Variants in PABPC4L observed in about 807,000 individuals in gnomAD.
PABPC4L encodes poly(A) binding protein cytoplasmic 4 like.
For missense variants in PABPC4L, 452 were observed against 451.4 expected (o/e 1.00, Z -0.01); for synonymous variants, 169 against 164.1 (o/e 1.03, Z -0.23).
the PABPC4L span, among the ~76,000 whole-genome samples, chr4:133,952,106 TC>T: frequency 6.6e-6 from 1 of 152,104 alleles, no homozygotes; most frequent in African/African-American, 2.4e-5. Context: ...GGCCCTTCTT[TC>T]CCCCGAAATT....
the PABPC4L span, among the ~76,000 whole-genome samples, chr4:134,124,237 G>A: frequency 6.6e-6 from 1 of 152,002 alleles, no homozygotes; most frequent in Non-Finnish European, 1.5e-5. Context: ...AGCACTCAGG[G>A]TACATAAGAC....
chr4:134,185,204 C>T, the PABPC4L span, among the ~76,000 whole-genome samples: 1 of 151,590 alleles, frequency 6.6e-6, no homozygotes, highest in Admixed American at 6.6e-5. Context: ...GGTGTGGTAT[C>T]TAAATAGTCA....
the PABPC4L span, among the ~76,000 whole-genome samples, chr4:133,972,721 T>C: frequency 1.3e-5 from 2 of 152,174 alleles, no homozygotes; most frequent in Admixed American, 6.5e-5. Context: ...GAACATATTA[T>C]GTAAGGCTGA....
At chr4:133,953,736 C>T in the PABPC4L span, among the ~76,000 whole-genome samples, 3 of 152,150 alleles carry the variant, frequency 2.0e-5, no homozygotes, top group Non-Finnish European at 4.4e-5. Flanking sequence ...GGAATTTCTG[C>T]CCAGATGGCA....
At chr4:133,994,504 C>T in the PABPC4L span, among the ~76,000 whole-genome samples, 135 of 152,252 alleles carry the variant, frequency 8.9e-4, 1 homozygote, top group African/African-American at 3.2e-3. Context: ...GCGTGCTTTG[C>T]TTGGCTGTGT....
rs1403855247 is a variant in PABPC4L, at chr4:134,197,834, T to C, written c.*2073A>G. ...GAGCATATGGAAATAGGCATTCTCC[T>C]ACAATGACAATGGAAATGTAAGTGC... On this transcript the variant is annotated 3_prime_UTR_variant, in exon 2 of 2. Transcript: ENST00000421491. 1 of 151,820 alleles carries C rather than the reference T, an allele frequency of 6.6e-6. No individual in the cohort carries two copies. The highest frequency in any genetic ancestry group is 1.5e-5 in the Non-Finnish European group (1 of 67,710). The allele number at this position is 151,820 out of a possible 1,614,324, so 9.4% of individuals were successfully genotyped here. A position where few individuals can be genotyped will look rare whatever the true frequency, so the allele number is the denominator to read the frequency against.
chr4:134,050,706 C>CA, the PABPC4L span, among the ~76,000 whole-genome samples: 226 of 82,950 alleles, frequency 2.7e-3, 3 homozygotes, highest in Non-Finnish European at 3.6e-3. Context: ...CACCGTCTCC[C>CA]AAAAAAAAAA....
the PABPC4L span, among the ~76,000 whole-genome samples, chr4:134,039,064 C>G: frequency 1.3e-5 from 2 of 151,994 alleles, no homozygotes; most frequent in African/African-American, 4.8e-5. Flanking sequence ...TTATTTCTGC[C>G]TTCATTTCAT....
At position 134,200,316 on chromosome 4, in the gene PABPC4L, A is replaced by C. The variant is rs1396132680; in HGVS notation, c.704T>G (p.Val235Gly). Residue 235 changes from valine to glycine, a missense_variant, in exon 2 of 2, where the codon GTG (valine) becomes GGG (glycine). Transcript: ENST00000421491. ...GGCAGCCTCATGGCTATCAAAACTC[A>C]CAAAGCCAAAGCCTTTGGATTTCCC... ...SSGKSKGFGF[V>G]SFDSHEAAKK... 9 of 1,593,066 alleles carry C rather than the reference A, an allele frequency of 5.6e-6. No individual in the cohort carries two copies. In the South Asian group the frequency reaches 1.0e-4, roughly 18 times the overall value.
the PABPC4L span, among the ~76,000 whole-genome samples, chr4:134,043,422 C>G: frequency 2.0e-5 from 3 of 152,036 alleles, no homozygotes; most frequent in African/African-American, 7.2e-5. Flanking sequence ...TAAAATGAAA[C>G]AGTTTTGTGA....
the PABPC4L span, among the ~76,000 whole-genome samples, chr4:134,047,150 G>T: frequency 6.6e-6 from 1 of 152,180 alleles, no homozygotes; most frequent in South Asian, 2.1e-4. Flanking sequence ...GAGACAGAAA[G>T]GACTGGTAAG....
At chr4:134,111,740 C>T in the PABPC4L span, among the ~76,000 whole-genome samples, 1 of 151,910 alleles carries the variant, frequency 6.6e-6, no homozygotes, top group Non-Finnish European at 1.5e-5. Flanking sequence ...TCTCTCTCTT[C>T]TCTTGTCTGC....
At chr4:134,145,888 G>A in the PABPC4L span, among the ~76,000 whole-genome samples, 1 of 151,880 alleles carries the variant, frequency 6.6e-6, no homozygotes, top group Non-Finnish European at 1.5e-5. Flanking sequence ...ATTTAATCTT[G>A]AAAGTTTAAA....
At chr4:133,998,253 A>G in the PABPC4L span, among the ~76,000 whole-genome samples, 2 of 151,792 alleles carry the variant, frequency 1.3e-5, no homozygotes, top group Admixed American at 1.3e-4. Flanking sequence ...TCAGAATATG[A>G]TATATTTAGT....
chr4:134,079,982 C>A, the PABPC4L span, among the ~76,000 whole-genome samples: 1 of 151,590 alleles, frequency 6.6e-6, no homozygotes, highest in South Asian at 2.1e-4. Context: ...AATTTTTTTC[C>A]ATTTTATTTC....
chr4:134,014,642 G>GA, the PABPC4L span, among the ~76,000 whole-genome samples: 1 of 152,006 alleles, frequency 6.6e-6, no homozygotes, highest in Admixed American at 6.6e-5. Context: ...CTTAGCAGCT[G>GA]AAGACTGACA....
downstream of PABPC4L, among the ~76,000 whole-genome samples, chr4:134,194,562 A>C (rs981550265): frequency 6.6e-6 from 1 of 151,804 alleles, no homozygotes; most frequent in Non-Finnish European, 1.5e-5. Flanking sequence ...TAAAACTTAC[A>C]CTGAGAATTC....
At chr4:134,097,776 C>T in the PABPC4L span, among the ~76,000 whole-genome samples, 2 of 151,878 alleles carry the variant, frequency 1.3e-5, no homozygotes, top group East Asian at 3.9e-4. Context: ...AAACCACCAA[C>T]CAGTGAATAC....
At chr4:133,993,162 T>C in the PABPC4L span, among the ~76,000 whole-genome samples, 2 of 152,170 alleles carry the variant, frequency 1.3e-5, no homozygotes, top group South Asian at 2.1e-4. Context: ...AAATTTATGA[T>C]GTAAATTTTA....
Sources: allele counts gnomAD v4.1 joint callset (sites outside exome capture counted in the v4.1 genomes callset), GRCh38; gene constraint gnomAD v4.1.1; transcripts MANE v1.5; gene names NCBI Gene and HGNC (gene_info 2026-07-23, HGNC 2026-07-21).